SHANK2: variants seen among roughly 807,000 people sequenced by gnomAD.
SHANK2 encodes SH3 and multiple ankyrin repeat domains protein 2.
In SHANK2, 43 loss-of-function variants were observed where a neutral mutation model predicts 133.7. The ratio of observed to expected loss-of-function variants is 0.32; its 90% CI spans 0.25 to 0.41. The LOEUF is 0.41. Among genes scored for constraint, SHANK2 ranks in the 10% least tolerant of loss-of-function variants. The pLI, the probability that SHANK2 is intolerant of heterozygous loss-of-function variation, is 1.00. For missense variants in SHANK2, 1,994 were observed against 2,235.8 expected, an observed-to-expected ratio of 0.89 and a Z score of 2.18; for synonymous variants, 1,017 against 952.8, an observed-to-expected ratio of 1.07 and a Z score of -1.24.
At chr11:70,533,930 C>T (rs897124719) in intron 17 of SHANK2, among the ~76,000 whole-genome samples, 19 of 152,210 alleles carry the variant, frequency 1.2e-4, no homozygotes, top group Middle Eastern at 3.2e-3. Context: ...CAAGGTGGCA[C>T]GTCTCATCAC....
chr11:70,827,638 G>GTT (rs797024799), intron 11 of SHANK2, among the ~76,000 whole-genome samples: 1 of 108,204 alleles, frequency 9.2e-6, no homozygotes, highest in African/African-American at 3.6e-5. Context: ...GTGTGTGTGT[G>GTT]TTTTTTTTTT....
At chr11:70,614,634 C>G (rs543146172) in intron 17 of SHANK2, among the ~76,000 whole-genome samples, 1 of 152,182 alleles carries the variant, frequency 6.6e-6, no homozygotes, top group Non-Finnish European at 1.5e-5. Context: ...TTCTTAGCAG[C>G]CCTAAGAAAT....
At chr11:70,880,117 G>A (rs1949636294) in intron 11 of SHANK2, among the ~76,000 whole-genome samples, 1 of 152,184 alleles carries the variant, frequency 6.6e-6, no homozygotes, top group South Asian at 2.1e-4. Flanking sequence ...AGTTAGCCCA[G>A]GCACCCCAAT....
At chr11:70,766,106 G>A (rs1361147505) in intron 14 of SHANK2, among the ~76,000 whole-genome samples, 1 of 152,226 alleles carries the variant, frequency 6.6e-6, no homozygotes, top group Admixed American at 6.5e-5. Flanking sequence ...AGTGGACAAT[G>A]TGCATGTCCT....
chr11:71,206,525 C>T (rs959801193), intron 2 of SHANK2, among the ~76,000 whole-genome samples: 29 of 152,164 alleles, frequency 1.9e-4, no homozygotes, highest in Admixed American at 1.3e-4. Flanking sequence ...GCAGAGAGAT[C>T]GCACTATTCT....
intron 11 of SHANK2, among the ~76,000 whole-genome samples, chr11:70,883,130 C>A (rs1555072712): frequency 6.6e-6 from 1 of 152,184 alleles, no homozygotes; most frequent in Admixed American, 6.5e-5. Context: ...GCTCCAGGAT[C>A]CTCATCCTCC....
chr11:70,850,707 C>T (rs552536722), intron 11 of SHANK2, among the ~76,000 whole-genome samples: 8 of 152,298 alleles, frequency 5.3e-5, no homozygotes, highest in African/African-American at 1.9e-4. Context: ...GACTCTGAGG[C>T]ACCCGGACCT....
intron 14 of SHANK2, among the ~76,000 whole-genome samples, chr11:70,737,895 G>T (rs941037421): frequency 2.0e-5 from 3 of 152,242 alleles, no homozygotes; most frequent in Admixed American, 6.5e-5. Context: ...TGCTAATAAG[G>T]TTCCAGGGTG....
At chr11:70,506,535 G>A (rs2135853626) in intron 17 of SHANK2, among the ~76,000 whole-genome samples, 1 of 152,324 alleles carries the variant, frequency 6.6e-6, no homozygotes, top group East Asian at 1.9e-4. Context: ...GGTGGAGCTA[G>A]GTTTGGAATC....
chr11:71,215,215 C>T (rs954765786), intron 2 of SHANK2, among the ~76,000 whole-genome samples: 4 of 152,222 alleles, frequency 2.6e-5, no homozygotes, highest in Admixed American at 6.5e-5. Flanking sequence ...ACCCTGGAGC[C>T]GCAGCAGGGC....
intron 10 of SHANK2, among the ~76,000 whole-genome samples, chr11:70,916,600 G>A (rs913672345): frequency 3.3e-5 from 5 of 152,114 alleles, no homozygotes; most frequent in African/African-American, 7.2e-5. Context: ...ATGATTCACC[G>A]GCAAGAGGAT....
At chr11:70,612,018 C>T (rs994393145) in intron 17 of SHANK2, among the ~76,000 whole-genome samples, 3 of 151,918 alleles carry the variant, frequency 2.0e-5, no homozygotes, top group South Asian at 4.2e-4. Flanking sequence ...AGAAGGGGAG[C>T]GTCTTGAGCG....
chr11:71,143,273 G>A (rs1952589515), intron 3 of SHANK2, among the ~76,000 whole-genome samples: 1 of 152,070 alleles, frequency 6.6e-6, no homozygotes. Context: ...ACCCACAGAG[G>A]AAAAGAGTTT....
intron 1 of SHANK2, among the ~76,000 whole-genome samples, chr11:71,229,724 C>A (rs140353291): frequency 5.5e-4 from 80 of 144,424 alleles, no homozygotes; most frequent in African/African-American, 1.9e-3. Flanking sequence ...TGCACCACTG[C>A]ACTCTAGCCT....
chr11:70,930,193 C>T lies in SHANK2; in HGVS notation c.1108-33626G>A, dbSNP rs375654736. On this transcript the variant is annotated intron_variant, in intron 10 of 25. Transcript: ENST00000601538. ...TTGGTTCCAATCATTCAATCTCTCC[C>T]TGGATGAGGATCAGAAAGTCCTGCC... 5.8e-4 allele frequency among the ~76,000 whole-genome samples: 89 copies of T among 152,342 alleles called. 2 individuals are homozygous for T. Among genetic ancestry groups the T allele is most frequent in the African/African-American group, 1.9e-3 (77 of 41,574 alleles).
chr11:70,648,382 T>C (rs959387462), intron 17 of SHANK2, among the ~76,000 whole-genome samples: 4 of 152,170 alleles, frequency 2.6e-5, no homozygotes, highest in African/African-American at 9.7e-5. Flanking sequence ...CAGACACATA[T>C]AAAGAAGTAA....
chr11:70,800,702 C>T (rs1461176091), intron 13 of SHANK2, among the ~76,000 whole-genome samples: 2 of 152,230 alleles, frequency 1.3e-5, no homozygotes, highest in Admixed American at 6.5e-5. Context: ...CTCCAAAACT[C>T]GATGCAGGGC....
intron 15 of SHANK2, among the ~76,000 whole-genome samples, chr11:70,664,059 G>A (rs1401611781): frequency 1.3e-5 from 2 of 152,170 alleles, no homozygotes; most frequent in Non-Finnish European, 2.9e-5. Flanking sequence ...AGCAGGCCTG[G>A]TAGGTGGCCA....
intron 17 of SHANK2, among the ~76,000 whole-genome samples, chr11:70,526,583 GC>G (rs1306715085): frequency 6.6e-6 from 1 of 152,222 alleles, no homozygotes; most frequent in Non-Finnish European, 1.5e-5. Flanking sequence ...TGCTGAGTGT[GC>G]TTAGCCAGCG....
Sources: gnomAD v4.1 joint callset for allele counts (sites outside exome capture counted in the v4.1 genomes callset) on GRCh38, gnomAD v4.1.1 for gene constraint, MANE v1.5 for transcripts, NCBI Gene and HGNC (gene_info 2026-07-23, HGNC 2026-07-21) for gene names.